The following GPHN variants were observed in gnomAD, a reference collection of about 807,000 sequenced individuals.
GPHN encodes the protein gephyrin.
A neutral mutation model predicts 95.5 loss-of-function variants in GPHN; 17 were observed. The observed-to-expected ratio is 0.18, with a 90% confidence interval of 0.12 to 0.27. The LOEUF (loss-of-function observed/expected upper bound fraction) is 0.27. GPHN is among the 10% of genes least tolerant of loss of function. The pLI is 1.00. For synonymous variants in GPHN, 320 were observed against 322.5 expected, an observed-to-expected ratio of 0.99 and a Z score of 0.08; for missense variants, 660 against 978.1, an observed-to-expected ratio of 0.67 and a Z score of 4.34.
the GPHN span, chr14:67,340,087 A>C: frequency 5.8e-6 from 1 of 171,038 alleles, no homozygotes; most frequent in Non-Finnish European, 1.2e-5. Context: ...AAAGGTAATG[A>C]GTTCTCTCTA....
At chr14:67,225,960 T>C in the GPHN span, among the ~76,000 whole-genome samples, 144 of 119,788 alleles carry the variant, frequency 1.2e-3, 1 homozygote, top group African/African-American at 4.9e-3. Flanking sequence ...TGTGTGTGTG[T>C]GTGCGCGCGC....
the GPHN span, among the ~76,000 whole-genome samples, chr14:67,623,536 T>TA: frequency 1.7e-5 from 1 of 59,884 alleles, no homozygotes; most frequent in Admixed American, 1.8e-4. Context: ...CAGGTAACCT[T>TA]TTTTTTTTTT....
the GPHN span, among the ~76,000 whole-genome samples, chr14:67,699,513 C>T: frequency 1.3e-5 from 2 of 149,564 alleles, no homozygotes; most frequent in East Asian, 3.9e-4. Flanking sequence ...TTTCTTGAGC[C>T]TCACAGGTTG....
chr14:67,441,224 G>A, the GPHN span, among the ~76,000 whole-genome samples: 1 of 152,328 alleles, frequency 6.6e-6, no homozygotes. Context: ...CTCTGGCTTA[G>A]AGGATGCTCT....
the GPHN span, chr14:67,387,294 TAGG>T: frequency 6.3e-7 from 1 of 1,590,140 alleles, no homozygotes; most frequent in Non-Finnish European, 8.5e-7. Flanking sequence ...TGTCATCTGG[TAGG>T]AGGGAGGAAT....
the GPHN span, among the ~76,000 whole-genome samples, chr14:67,675,935 A>G: frequency 6.6e-6 from 1 of 152,056 alleles, no homozygotes; most frequent in Non-Finnish European, 1.5e-5. Context: ...CGTCTCTGCT[A>G]AAAACACAAA....
intron 1 of GPHN, among the ~76,000 whole-genome samples, chr14:66,565,345 G>A (rs546254588): frequency 2.0e-5 from 3 of 152,058 alleles, no homozygotes; most frequent in South Asian, 2.1e-4. Context: ...TGCCCAGGCC[G>A]CAGCAGTGTA....
chr14:67,317,505 GGAATTATA>G, the GPHN span: 1 of 1,515,442 alleles, frequency 6.6e-7, no homozygotes, highest in Non-Finnish European at 9.1e-7. Flanking sequence ...AGGGATAGGT[GGAATTATA>G]TCTGAAAGGA....
intron 1 of GPHN, among the ~76,000 whole-genome samples, chr14:66,604,733 T>C (rs1411195135): frequency 6.6e-6 from 1 of 152,144 alleles, no homozygotes; most frequent in Non-Finnish European, 1.5e-5. Flanking sequence ...CGGGGGTACA[T>C]GTACAGATTT....
chr14:67,584,105 C>G, the GPHN span: 1 of 1,613,736 alleles, frequency 6.2e-7, no homozygotes, highest in East Asian at 2.2e-5. Flanking sequence ...TTCTTTGGTG[C>G]TAAACTTTTT....
the GPHN span, chr14:67,271,520 G>C: frequency 3.9e-5 from 6 of 152,236 alleles, no homozygotes; most frequent in Admixed American, 3.9e-4. Flanking sequence ...ACTTGATCAA[G>C]AATGTGACAG....
intron 21 of GPHN, among the ~76,000 whole-genome samples, chr14:67,177,459 C>A (rs896742778): frequency 2.0e-5 from 3 of 152,118 alleles, no homozygotes; most frequent in Non-Finnish European, 4.4e-5. Context: ...GTTGTGATTT[C>A]TGTTCTTTTG....
chr14:67,376,237 G>T, the GPHN span, among the ~76,000 whole-genome samples: 1 of 152,192 alleles, frequency 6.6e-6, no homozygotes, highest in African/African-American at 2.4e-5. Context: ...CTGTGTTACT[G>T]TCAAGACTTG....
chr14:67,215,151 A>G, the GPHN span, among the ~76,000 whole-genome samples: 1 of 152,166 alleles, frequency 6.6e-6, no homozygotes. Flanking sequence ...ATATCTATCA[A>G]GCAAGGATTC....
At chr14:66,599,068 G>A (rs1277381104) in intron 1 of GPHN, among the ~76,000 whole-genome samples, 3 of 151,906 alleles carry the variant, frequency 2.0e-5, no homozygotes, top group Middle Eastern at 3.2e-3. Context: ...TTTACTTTCA[G>A]TAATAACATA....
At chr14:67,302,061 G>A in the GPHN span, 1 of 1,608,816 alleles carries the variant, frequency 6.2e-7, no homozygotes, top group South Asian at 1.1e-5. Context: ...GTATTGGCCA[G>A]TATGGAGGAG....
the GPHN span, among the ~76,000 whole-genome samples, chr14:67,544,078 A>G: frequency 6.6e-6 from 1 of 152,200 alleles, no homozygotes; most frequent in African/African-American, 2.4e-5. Context: ...TCAAGTCAGG[A>G]CTATTATTTC....
the GPHN span, chr14:67,735,046 A>G: frequency 1.5e-6 from 1 of 663,614 alleles, no homozygotes; most frequent in Admixed American, 2.2e-5. Flanking sequence ...AGATTATTAG[A>G]TGCACTTACA....
At chr14:66,660,619 A>G (rs1281516726) in intron 1 of GPHN, among the ~76,000 whole-genome samples, 1 of 152,210 alleles carries the variant, frequency 6.6e-6, no homozygotes, top group African/African-American at 2.4e-5. Flanking sequence ...AAGCACTTCA[A>G]AAAGTACTTC....
Sources: allele counts gnomAD v4.1 joint callset (sites outside exome capture counted in the v4.1 genomes callset), GRCh38; gene constraint gnomAD v4.1.1; transcripts MANE v1.5; gene names NCBI Gene and HGNC (gene_info 2026-07-23, HGNC 2026-07-21).